Variants in GALNT12 observed in about 807,000 individuals in gnomAD.
GALNT12 encodes UDP-GalNAc:polypeptide N-acetylgalactosaminyltransferase 12.
A neutral mutation model predicts 55.5 loss-of-function variants in GALNT12; 45 were observed. The ratio of observed to expected loss-of-function variants is 0.81; its 90% CI spans 0.64 to 1.04. The LOEUF (loss-of-function observed/expected upper bound fraction) is 1.04. Ranked by LOEUF, GALNT12 falls within the 50% of genes least tolerant of loss-of-function variation. The pLI, the probability that GALNT12 is intolerant of heterozygous loss-of-function variation, is 0.00. For missense variants in GALNT12, 709 were observed against 754.8 expected (o/e 0.94, Z 0.71); for synonymous variants, 304 against 312.2 (o/e 0.97, Z 0.28).
chr9:98,836,697 T>TG (rs1836155694), intron 5 of GALNT12, among the ~76,000 whole-genome samples: 1 of 152,238 alleles, frequency 6.6e-6, no homozygotes, highest in African/African-American at 2.4e-5. Flanking sequence ...GAGGTCTCTG[T>TG]GGATGCTCCT....
chr9:98,837,256 T>C (rs1836178222), intron 6 of GALNT12, 108 bp downstream of exon 6: 1 of 1,077,956 alleles, frequency 9.3e-7, no homozygotes, highest in Admixed American at 1.7e-5. Context: ...GAGAATAAAT[T>C]GGGTGCTCAG....
At chr9:98,826,375 T>A (rs1245416171) in intron 2 of GALNT12, among the ~76,000 whole-genome samples, 1 of 152,206 alleles carries the variant, frequency 6.6e-6, no homozygotes, top group African/African-American at 2.4e-5. Flanking sequence ...AAAATTGCGA[T>A]TAGATGGTTC....
chr9:98,810,296 G>A (rs1306269359), intron 1 of GALNT12, among the ~76,000 whole-genome samples: 1 of 152,114 alleles, frequency 6.6e-6, no homozygotes, highest in Non-Finnish European at 1.5e-5. Flanking sequence ...GGAGCATCTA[G>A]TCTAACCAGA....
chr9:98,808,047 C>T lies in GALNT12; in HGVS notation c.349C>T (p.Leu117=). 3.2e-6 allele frequency: 5 copies of T among 1,581,506 alleles called. No individual in the cohort carries two copies. The highest frequency in any genetic ancestry group is 4.3e-6 in the Non-Finnish European group (5 of 1,166,944). ...LSDRISLHRR[L]PERWNPLCKE... ...CGACCGCATCTCACTGCACCGCCGC[C>T]TGCCCGAGCGCTGGAACCCGCTGTG... Residue 117 remains leucine (L), a synonymous_variant, in exon 1 of 10, where the codon CTG becomes TTG. Transcript: ENST00000375011.
chr9:98,840,938 A>G (rs868098652), intron 7 of GALNT12, among the ~76,000 whole-genome samples: 2 of 152,130 alleles, frequency 1.3e-5, no homozygotes, highest in Non-Finnish European at 2.9e-5. Flanking sequence ...ACATTTGGAC[A>G]TTATCTTACA....
chr9:98,808,194 C>T, intron 1 of GALNT12, 125 bp downstream of exon 1: 2 of 701,610 alleles, frequency 2.9e-6, no homozygotes, highest in Non-Finnish European at 4.6e-6. Flanking sequence ...AGTCTTTCTC[C>T]GAAGACGATA....
rs376494512 is a variant in GALNT12 at position 98,826,867 on chromosome 9, G to A, written c.657G>A (p.Ala219=). The change falls in exon 3 of 10, where the codon GCG becomes GCA. Residue 219 remains alanine, a synonymous_variant. Coordinates refer to ENST00000375011, the MANE Select transcript of GALNT12 (RefSeq NM_024642.5). ...VRARLLGASA[A]RGDVLTFLDC... ...CCCGGCTGCTGGGGGCGTCTGCGGC[G>A]AGGGGCGATGTTCTGACCTTCCTGG... 4 of 1,600,168 alleles carry A rather than the reference G, an allele frequency of 2.5e-6. No homozygotes were observed. The highest frequency in any genetic ancestry group is 1.3e-5 in the African/African-American group (1 of 74,714).
chr9:98,814,844 T>C (rs1167416398), intron 1 of GALNT12, among the ~76,000 whole-genome samples: 2 of 152,204 alleles, frequency 1.3e-5, no homozygotes, highest in Non-Finnish European at 2.9e-5. Flanking sequence ...TATAAAATGC[T>C]TATATGGTGC....
chr9:98,826,882 G>A lies in GALNT12; in HGVS notation c.672G>A (p.Leu224=). 6.3e-7 allele frequency: 1 copy of A among 1,590,124 alleles called. No homozygotes were observed. The highest frequency in any genetic ancestry group is 8.6e-7 in the Non-Finnish European group (1 of 1,168,422). The change falls in exon 3 of 10, where the codon CTG becomes CTA. Residue 224 remains leucine, a synonymous_variant. Coordinates refer to ENST00000375011, the MANE Select transcript of GALNT12 (RefSeq NM_024642.5). Reference sequence around the variant, plus strand: ...CGTCTGCGGCGAGGGGCGATGTTCTGACCTTCCTGGACTGTCACTGTGAGT... The same window carrying A: ...CGTCTGCGGCGAGGGGCGATGTTCTAACCTTCCTGGACTGTCACTGTGAGT... ...LGASAARGDV[L]TFLDCHCECH...
At chr9:98,817,041 T>C (rs1487819939) in intron 1 of GALNT12, among the ~76,000 whole-genome samples, 1 of 152,144 alleles carries the variant, frequency 6.6e-6, no homozygotes, top group Non-Finnish European at 1.5e-5. Flanking sequence ...TTAGCCAGGA[T>C]GGTCTTGATC....
intron 5 of GALNT12, 103 bp from the exon 6 acceptor site, chr9:98,836,869 G>A: frequency 8.2e-7 from 1 of 1,213,618 alleles, no homozygotes. Flanking sequence ...TCTTGGCAGT[G>A]TCCATCATGC....
At chr9:98,815,499 G>A (rs1588440393) in intron 1 of GALNT12, among the ~76,000 whole-genome samples, 1 of 152,096 alleles carries the variant, frequency 6.6e-6, no homozygotes, top group South Asian at 2.1e-4. Context: ...TAAGTCAAGG[G>A]GCATTGGTAT....
At chr9:98,825,519 GT>G (rs146747859) in intron 2 of GALNT12, among the ~76,000 whole-genome samples, 2,560 of 152,326 alleles carry the variant, frequency 0.017, 22 homozygotes, top group Non-Finnish European at 0.027. Context: ...CAGGGAGACA[GT>G]TCAGGCAGAC....
chr9:98,828,408 C>T (rs1364759067), intron 3 of GALNT12, among the ~76,000 whole-genome samples: 1 of 152,192 alleles, frequency 6.6e-6, no homozygotes, highest in Non-Finnish European at 1.5e-5. Context: ...CCGAGTGCTC[C>T]CTCTGGAACC....
In GALNT12 at chr9:98,807,821, T is replaced by C; in HGVS notation, c.123T>C (p.Arg41=). 3 of 1,042,510 alleles carry C rather than the reference T, an allele frequency of 2.9e-6. No homozygotes were observed. Among genetic ancestry groups the C allele is most frequent in the Non-Finnish European group, 3.4e-6 (3 of 871,716 alleles). 64.6% of individuals were successfully genotyped at this position (1,042,510 alleles called of 1,614,324 possible). The stretch of plus-strand genomic sequence containing the variant: ...TGGGCTCGGTGCTGCGGGCGCAGCG[T>C]GGGGCCGGGGCCGGGGCTGCCGAGC... ...AGLGSVLRAQ[R]GAGAGAAEPG... The change falls in exon 1 of 10, where the codon CGT becomes CGC. Residue 41 remains arginine (R), a synonymous_variant. Transcript: ENST00000375011.
intron 5 of GALNT12, among the ~76,000 whole-genome samples, chr9:98,836,384 G>A (rs1019998228): frequency 3.9e-5 from 6 of 152,044 alleles, no homozygotes; most frequent in Non-Finnish European, 5.9e-5. Flanking sequence ...GAGGACTCAC[G>A]CCCTCTGTAA....
At chr9:98,840,531 C>CA (rs1329796946) in intron 7 of GALNT12, among the ~76,000 whole-genome samples, 1 of 152,064 alleles carries the variant, frequency 6.6e-6, no homozygotes, top group Non-Finnish European at 1.5e-5. Context: ...TCGAGTATTT[C>CA]AAAAAACCTA....
intron 1 of GALNT12, among the ~76,000 whole-genome samples, 166 bp downstream of exon 1, chr9:98,808,235 A>G (rs1371661742): frequency 6.6e-6 from 1 of 152,178 alleles, no homozygotes; most frequent in Non-Finnish European, 1.5e-5. Context: ...GCGGGGAGGC[A>G]AGAAAGTAAA....
intron 3 of GALNT12, among the ~76,000 whole-genome samples, chr9:98,831,335 A>G (rs1835988001): frequency 1.3e-5 from 2 of 152,212 alleles, no homozygotes; most frequent in Non-Finnish European, 2.9e-5. Context: ...GGCTAATGTC[A>G]CACAACAAAT....
Sources: allele counts gnomAD v4.1 joint callset (sites outside exome capture counted in the v4.1 genomes callset), GRCh38; gene constraint gnomAD v4.1.1; transcripts MANE v1.5; gene names NCBI Gene and HGNC (gene_info 2026-07-23, HGNC 2026-07-21).